Variants in FBXL17 observed in about 807,000 individuals in gnomAD.
The protein encoded by FBXL17 is F-box and leucine rich repeat protein 17, also known as F-box/LRR-repeat protein 17.
A neutral mutation model predicts 66.2 loss-of-function variants in FBXL17; 22 were observed. The observed-to-expected ratio is 0.33, with a 90% CI of 0.24 to 0.47. The LOEUF (loss-of-function observed/expected upper bound fraction) is 0.47, where lower values mean the gene tolerates loss of function less well. Among genes scored for constraint, FBXL17 ranks in the 20% least tolerant of loss-of-function variants. The probability of loss-of-function intolerance (pLI) is 1.00; values close to 1 mark genes in which losing one functional copy is unlikely to be tolerated. For synonymous variants in FBXL17, 474 were observed against 400.5 expected (o/e 1.18, Z -2.19); for missense variants, 878 against 948.2 (o/e 0.93, Z 0.97).
intron 4 of FBXL17, among the ~76,000 whole-genome samples, chr5:108,293,608 C>T (rs903143724): frequency 1.3e-5 from 2 of 152,084 alleles, no homozygotes; most frequent in Non-Finnish European, 2.9e-5. Context: ...ACCAGACTTG[C>T]TTGCTAAATC....
At chr5:107,964,821 G>A (rs938627360) in intron 7 of FBXL17, among the ~76,000 whole-genome samples, 6 of 152,072 alleles carry the variant, frequency 3.9e-5, no homozygotes, top group Admixed American at 3.9e-4. Flanking sequence ...GCTAATTGGG[G>A]AAACTCATGA....
At chr5:108,046,410 T>C (rs2112812998) in intron 6 of FBXL17, among the ~76,000 whole-genome samples, 1 of 152,322 alleles carries the variant, frequency 6.6e-6, no homozygotes, top group African/African-American at 2.4e-5. Context: ...TCTGTATCTT[T>C]TAATTGGAAT....
chr5:108,116,937 A>G (rs956324367), intron 6 of FBXL17, among the ~76,000 whole-genome samples: 13 of 152,136 alleles, frequency 8.5e-5, no homozygotes, highest in Non-Finnish European at 1.6e-4. Flanking sequence ...TTAAAAAAAA[A>G]TTGGTGAAAA....
At chr5:108,069,323 G>C (rs1175793115) in intron 6 of FBXL17, among the ~76,000 whole-genome samples, 1 of 152,122 alleles carries the variant, frequency 6.6e-6, no homozygotes, top group Admixed American at 6.5e-5. Context: ...CAACAATTCG[G>C]CTTATGGCGA....
At chr5:107,978,716 T>G (rs773005816) in intron 7 of FBXL17, among the ~76,000 whole-genome samples, 14 of 152,156 alleles carry the variant, frequency 9.2e-5, no homozygotes, top group Non-Finnish European at 1.6e-4. Context: ...CCTACCCCAC[T>G]GCCCACCAAA....
At chr5:107,937,596 A>T (rs550137058) in intron 7 of FBXL17, among the ~76,000 whole-genome samples, 1 of 152,302 alleles carries the variant, frequency 6.6e-6, no homozygotes, top group South Asian at 2.1e-4. Context: ...TCTAATCATG[A>T]GATGAACTTT....
chr5:108,304,281 T>G (rs747103250), intron 4 of FBXL17, among the ~76,000 whole-genome samples: 33 of 152,058 alleles, frequency 2.2e-4, no homozygotes, highest in Non-Finnish European at 4.4e-4. Context: ...ATTTTAATCT[T>G]AATTTGAATC....
At chr5:108,129,242 A>G (rs1750832533) in intron 6 of FBXL17, among the ~76,000 whole-genome samples, 1 of 152,106 alleles carries the variant, frequency 6.6e-6, no homozygotes. Context: ...AAGAACTGGG[A>G]TTTTACCAAT....
chr5:108,308,938 T>C (rs186182895), intron 4 of FBXL17, among the ~76,000 whole-genome samples: 101 of 152,170 alleles, frequency 6.6e-4, no homozygotes, highest in African/African-American at 2.3e-3. Flanking sequence ...GTAGCAAATT[T>C]TAAAAGCAAA....
At chr5:108,169,805 T>C (rs957736342) in intron 6 of FBXL17, among the ~76,000 whole-genome samples, 15 of 152,224 alleles carry the variant, frequency 9.9e-5, no homozygotes, top group East Asian at 3.8e-4. Context: ...AATTTTCTTT[T>C]ATCTTACCTT....
chr5:108,377,957 A>G (rs1191493869), intron 1 of FBXL17, among the ~76,000 whole-genome samples: 4 of 152,244 alleles, frequency 2.6e-5, no homozygotes, highest in Non-Finnish European at 5.9e-5. Flanking sequence ...TATAAAAGTG[A>G]TATGGCTGTT....
Position 108,007,533 on chromosome 5 carries a change from GA to G in FBXL17, c.1822+13391del, listed in dbSNP as rs1299843662. Among the ~76,000 whole-genome samples the G allele has an allele frequency of 8.9e-5, 13 of 145,800 alleles. No homozygotes were observed. The East Asian group carries it at 1.4e-3, about 16-fold the overall frequency. On this transcript the variant is annotated intron_variant, in intron 7 of 8. Transcript: ENST00000542267. ...AATTTTCAACCAGTTTCTTAAAGGTGAAAAAAAAAAGTAAATATTTGTAGAG... is the reference window on the plus strand; with the variant it reads ...AATTTTCAACCAGTTTCTTAAAGGTGAAAAAAAAAGTAAATATTTGTAGAG...
At chr5:108,334,187 C>G (rs1185976238) in intron 4 of FBXL17, among the ~76,000 whole-genome samples, 2 of 152,142 alleles carry the variant, frequency 1.3e-5, no homozygotes, top group Non-Finnish European at 2.9e-5. Flanking sequence ...TGCCCAAGAA[C>G]TAGGAAATGA....
chr5:108,328,572 A>G (rs974678823), intron 4 of FBXL17, among the ~76,000 whole-genome samples: 2 of 152,070 alleles, frequency 1.3e-5, no homozygotes, highest in Non-Finnish European at 2.9e-5. Flanking sequence ...AATTTTTGAA[A>G]ATAGGGACAG....
rs564139227 is a variant in FBXL17, at chr5:108,178,143, C to T, written c.1745+7974G>A. 3.7e-4 allele frequency among the ~76,000 whole-genome samples: 56 copies of T among 151,996 alleles called. No homozygotes were observed. In the South Asian group the frequency reaches 6.3e-3, roughly 17 times the overall value. On this transcript the variant is annotated intron_variant, in intron 6 of 8. Coordinates refer to ENST00000542267, the MANE Select transcript of FBXL17 (RefSeq NM_001163315.3). ...CAGTCTCAAGCAATCTTCCCAGTCT[C>T]GAGCTATCCTCCCAGCTCAGCCTCC...
At chr5:107,959,641 A>T (rs368813824) in intron 7 of FBXL17, among the ~76,000 whole-genome samples, 1 of 152,094 alleles carries the variant, frequency 6.6e-6, no homozygotes, top group African/African-American at 2.4e-5. Flanking sequence ...TACATCCCCA[A>T]TGCATAAAGT....
intron 7 of FBXL17, among the ~76,000 whole-genome samples, chr5:107,911,623 C>G (rs1347430771): frequency 6.6e-6 from 1 of 152,064 alleles, no homozygotes; most frequent in Admixed American, 6.6e-5. Flanking sequence ...CCAGACCTCA[C>G]AGTCAGTAAG....
At chr5:108,280,967 T>C (rs1204123039) in intron 4 of FBXL17, among the ~76,000 whole-genome samples, 2 of 151,772 alleles carry the variant, frequency 1.3e-5, no homozygotes, top group East Asian at 3.9e-4. Flanking sequence ...AGTGCAAGGA[T>C]ATAACAATTC....
At chr5:108,297,998 G>A in intron 4 of FBXL17, 1 of 983,608 alleles carries the variant, frequency 1.0e-6, no homozygotes, top group Non-Finnish European at 1.2e-6. Flanking sequence ...AATTCTAAAT[G>A]TAAGCTACAG....
Sources: allele counts gnomAD v4.1 joint callset (sites outside exome capture counted in the v4.1 genomes callset), GRCh38; gene constraint gnomAD v4.1.1; transcripts MANE v1.5; gene names NCBI Gene and HGNC (gene_info 2026-07-23, HGNC 2026-07-21).